The following TRIOBP variants were observed in gnomAD, a reference collection of about 807,000 sequenced individuals.
TRIOBP encodes the protein TRIO and F-actin-binding protein.
Under a neutral mutation model 238.8 loss-of-function variants are expected in TRIOBP, and 169 were observed. The ratio of observed to expected loss-of-function variants is 0.71; its 90% CI spans 0.62 to 0.80. The LOEUF (loss-of-function observed/expected upper bound fraction) is 0.80, where lower values mean the gene tolerates loss of function less well. Among genes scored for constraint, TRIOBP ranks in the 30% least tolerant of loss-of-function variants. The pLI is 0.00. For missense variants in TRIOBP, 2,838 were observed against 3,122.6 expected (o/e 0.91, Z 2.17); for synonymous variants, 1,150 against 1,274.4 (o/e 0.90, Z 2.08).
At chr22:37,736,021 C>T (rs1041585706) in intron 9 of TRIOBP, among the ~76,000 whole-genome samples, 2 of 152,262 alleles carry the variant, frequency 1.3e-5, no homozygotes, top group Admixed American at 1.3e-4. Context: ...CTCTCAGACA[C>T]AGAGAAGAGG....
In TRIOBP at chr22:37,723,475, C is replaced by G. The variant is rs750473532; in HGVS notation, c.919C>G (p.Gln307Glu). The change falls in exon 7 of 24, where the codon CAG becomes GAG. Residue 307 changes from glutamine to glutamate, a missense_variant. Around this residue, in one of 5 missense-constraint regions of TRIOBP, gnomAD observed 535 missense variants for 537.3 expected, o/e 1.00. Transcript: ENST00000644935. ...QEISRASSTQ[Q>E]ETSRASSTQE... ...AATCTCCAGGGCCTCATCCACCCAA[C>G]AGGAAACCTCCAGGGCCTCATCCAC... 28 of 1,612,934 alleles carry G rather than the reference C, an allele frequency of 1.7e-5. No individual in the cohort carries two copies. In the South Asian group the frequency reaches 2.1e-4, roughly 12 times the overall value.
rs759594464 is a variant in TRIOBP at position 37,769,303 on chromosome 22, C to T, written c.6777C>T (p.Arg2259=). The T allele has an allele frequency of 2.4e-5, 39 of 1,611,948 alleles. No homozygotes were observed. The highest frequency in any genetic ancestry group is 1.7e-4 in the Middle Eastern group (1 of 6,050). The change falls in exon 21 of 24, where the codon CGC becomes CGT. Residue 2259 remains arginine (R), a synonymous_variant. Coordinates refer to ENST00000644935, the MANE Select transcript of TRIOBP (RefSeq NM_001039141.3). The stretch of plus-strand genomic sequence containing the variant: ...TGTCAGAGGAGATAGACCAGCTGCG[C>T]GGCTTCATTGCCTCGCAGGGCATGG... The part of the protein sequence containing the change: ...GRLSEEIDQL[R]GFIASQGMGN...
chr22:37,697,927 C>T (rs1338468433), intron 2 of TRIOBP, among the ~76,000 whole-genome samples: 1 of 151,956 alleles, frequency 6.6e-6, no homozygotes, highest in Non-Finnish European at 1.5e-5. Flanking sequence ...CGGCCGGGCG[C>T]GGTGGCTCAA....
Position 37,735,369 on chromosome 22 carries a change from T to G in TRIOBP, c.5033T>G (p.Leu1678Arg). Residue 1678 changes from leucine to arginine, a missense_variant, in exon 9 of 24, where the codon CTG becomes CGG. By Grantham distance (102) the Leu-to-Arg change is moderately radical. Transcript: ENST00000644935. ...ACAAGAGGACCAGCGACCGCAACTC[T>G]GGCAGGCCTGGAGCAGACGGGCCCC... ...KVTRGPATAT[L>R]AGLEQTGPLG... The G allele has an allele frequency of 6.2e-7, 1 of 1,611,518 alleles. No individual in the cohort carries two copies. The highest frequency in any genetic ancestry group is 1.7e-5 in the Admixed American group (1 of 59,706).
chr22:37,771,630 T>C lies in TRIOBP; in HGVS notation c.6850-20T>C, dbSNP rs766146834. 3 of 1,611,878 alleles carry C rather than the reference T, an allele frequency of 1.9e-6. No homozygotes were observed. Among genetic ancestry groups the C allele is most frequent in the Non-Finnish European group, 2.5e-6 (3 of 1,178,604 alleles). The stretch of plus-strand genomic sequence containing the variant: ...GCTCTGGCTTCTGGCCCTGGGTCAG[T>C]CCAGCACCTATATCCCCAGGTGCTG... On this transcript the variant is annotated intron_variant, in intron 21 of 23. Coordinates refer to ENST00000644935, the MANE Select transcript of TRIOBP (RefSeq NM_001039141.3).
At chr22:37,755,497 A>G (rs1037998811) in intron 14 of TRIOBP, 53 bp from the exon 15 acceptor site, 56 of 1,502,122 alleles carry the variant, frequency 3.7e-5, no homozygotes, top group Admixed American at 3.0e-4. Flanking sequence ...CATAGTGGGG[A>G]GGGAGTCATG....
At chr22:37,737,113 G>A (rs1601641282) in intron 9 of TRIOBP, among the ~76,000 whole-genome samples, 1 of 152,310 alleles carries the variant, frequency 6.6e-6, no homozygotes. Flanking sequence ...GGCTTGTTAG[G>A]AAGGCACACA....
chr22:37,697,245 G>C (rs10427722), intron 1 of TRIOBP, among the ~76,000 whole-genome samples, 156 bp downstream of exon 1: 110,712 of 151,952 alleles, frequency 0.73, 40,926 homozygotes, highest in East Asian at 0.84. Context: ...TTAAGGTTTT[G>C]ATTATTATAT....
At chr22:37,704,472 AG>A (rs1922832169) in intron 3 of TRIOBP, among the ~76,000 whole-genome samples, 1 of 109,148 alleles carries the variant, frequency 9.2e-6, no homozygotes, top group Admixed American at 1.0e-4. Flanking sequence ...GGGAAGGGGG[AG>A]GGGAAGGGGG....
At position 37,758,009 on chromosome 22, in the gene TRIOBP, G is replaced by A. The variant is rs1393047241; in HGVS notation, c.6084G>A (p.Lys2028=). The A allele has an allele frequency of 1.2e-6, 2 of 1,607,472 alleles. No homozygotes were observed. The highest frequency in any genetic ancestry group is 2.7e-5 in the African/African-American group (2 of 74,774). The change falls in exon 16 of 24, where the codon AAG becomes AAA. Residue 2028 remains lysine (K), a synonymous_variant. Transcript: ENST00000644935. ...ACCGGCTTAGTGAGGAGATCGAGAA[G>A]AAGTGGCAGGAGCTGGAGAAGCTGC... ...QQNRLSEEIE[K]KWQELEKLPL...
chr22:37,702,641 T>C (rs1922719680), intron 3 of TRIOBP, among the ~76,000 whole-genome samples: 2 of 144,970 alleles, frequency 1.4e-5, no homozygotes, highest in East Asian at 3.9e-4. Flanking sequence ...TCTCTTTTTT[T>C]TTTTTTTTTT....
chr22:37,733,479 A>G (rs1488583570), intron 8 of TRIOBP, 67 bp downstream of exon 8: 6 of 1,262,838 alleles, frequency 4.8e-6, no homozygotes, highest in Non-Finnish European at 6.8e-6. Context: ...CCCTCCCGCT[A>G]GAAGCCAGGC....
At chr22:37,749,117 G>A (rs1221438956) in intron 11 of TRIOBP, among the ~76,000 whole-genome samples, 2 of 152,136 alleles carry the variant, frequency 1.3e-5, no homozygotes, top group Non-Finnish European at 2.9e-5. Context: ...CATTTTGGGA[G>A]GCTGAGGTGG....
Position 37,774,824 on chromosome 22 carries a change from T to TAGGGCCC in TRIOBP, c.*1055_*1061dup, listed in dbSNP as rs932236903. ...CTTCAAAGTCTGAGGAGCCCTGGAG[T>TAGGGCCC]AGGGCCCAGGGCCCAGGCCTGAGAG... On this transcript the variant is annotated 3_prime_UTR_variant, in exon 24 of 24. Transcript: ENST00000644935. The TAGGGCCC allele has an allele frequency of 9.9e-5, 15 of 151,614 alleles. No homozygotes were observed. The highest frequency in any genetic ancestry group is 2.6e-4 in the Admixed American group (4 of 15,240). 9.4% of individuals were successfully genotyped at this position (151,614 alleles called of 1,614,324 possible). A position where few individuals can be genotyped will look rare whatever the true frequency, so the allele number is the denominator to read the frequency against.
chr22:37,749,722 G>A (rs903894548), intron 11 of TRIOBP, among the ~76,000 whole-genome samples: 15 of 149,938 alleles, frequency 1.0e-4, no homozygotes, highest in Admixed American at 5.4e-4. Flanking sequence ...CGAGGTGAGC[G>A]GATCACTTGA....
chr22:37,771,537 A>T, intron 21 of TRIOBP, 113 bp from the exon 22 acceptor site: 1 of 911,400 alleles, frequency 1.1e-6, no homozygotes, highest in Non-Finnish European at 1.8e-6. Flanking sequence ...TTTTGTGCAG[A>T]TAGGGGCTGC....
At chr22:37,719,401 C>A (rs1029921520) in intron 6 of TRIOBP, among the ~76,000 whole-genome samples, 1 of 151,740 alleles carries the variant, frequency 6.6e-6, no homozygotes, top group African/African-American at 2.4e-5. Context: ...AGCGGATGGG[C>A]CCAGCGCTGG....
chr22:37,744,068 G>T (rs1464042734), intron 11 of TRIOBP, among the ~76,000 whole-genome samples: 3 of 149,006 alleles, frequency 2.0e-5, no homozygotes, highest in African/African-American at 7.5e-5. Flanking sequence ...GAATGCAGTG[G>T]TGTGATCTTC....
At chr22:37,759,397 C>T in intron 17 of TRIOBP, 133 bp downstream of exon 17, 1 of 1,257,158 alleles carries the variant, frequency 8.0e-7, no homozygotes, top group Non-Finnish European at 1.2e-6. Flanking sequence ...CATGCGTCAT[C>T]TCATTTACTC....
Sources: gnomAD v4.1 joint callset for allele counts (sites outside exome capture counted in the v4.1 genomes callset) on GRCh38, gnomAD v4.1.1 for gene constraint, gnomAD v4.1.1 regional missense constraint, MANE v1.5 for transcripts, NCBI Gene and HGNC (gene_info 2026-07-23, HGNC 2026-07-21) for gene names.